NLK: variants seen among roughly 807,000 people sequenced by gnomAD.
The protein encoded by NLK is serine/threonine-protein kinase NLK.
In NLK, 11 loss-of-function variants were observed where a neutral mutation model predicts 59.0. The observed-to-expected ratio is 0.19, with a 90% CI of 0.12 to 0.31. The LOEUF (loss-of-function observed/expected upper bound fraction) is 0.31. NLK is among the 10% of genes least tolerant of loss of function. The probability of loss-of-function intolerance (pLI) is 1.00; values close to 1 mark genes in which losing one functional copy is unlikely to be tolerated. For synonymous variants in NLK, 235 were observed against 235.9 expected, an observed-to-expected ratio of 1.00 and a Z score of 0.03; for missense variants, 410 against 661.1, an observed-to-expected ratio of 0.62 and a Z score of 4.16.
chr17:28,093,723 C>T (rs1255933234), intron 1 of NLK, among the ~76,000 whole-genome samples: 5 of 152,302 alleles, frequency 3.3e-5, no homozygotes, highest in Non-Finnish European at 1.5e-5. Flanking sequence ...GTGGCAAGTT[C>T]GTTAACTTCT....
At chr17:28,154,959 G>A (rs867595008) in intron 3 of NLK, among the ~76,000 whole-genome samples, 14 of 152,116 alleles carry the variant, frequency 9.2e-5, no homozygotes, top group Admixed American at 5.2e-4. Context: ...TTGAACCTGG[G>A]AAATGGAGGT....
At chr17:28,055,066 T>C (rs942880330) in intron 1 of NLK, among the ~76,000 whole-genome samples, 8 of 151,900 alleles carry the variant, frequency 5.3e-5, no homozygotes, top group Admixed American at 4.6e-4. Flanking sequence ...ATTCCAGTAA[T>C]TGTAGGGTTG....
chr17:28,122,554 C>A (rs1024827775), intron 1 of NLK, 49 bp from the exon 2 acceptor site: 6 of 1,603,572 alleles, frequency 3.7e-6, no homozygotes, highest in Non-Finnish European at 5.1e-6. Context: ...AGGTGTGGAA[C>A]TGATTTCTCT....
chr17:28,202,245 T>C, the NLK span, among the ~76,000 whole-genome samples: 283 of 152,270 alleles, frequency 1.9e-3, 1 homozygote, highest in African/African-American at 6.5e-3. Context: ...AAAATTTTTT[T>C]AAAAATTAGC....
intron 1 of NLK, among the ~76,000 whole-genome samples, chr17:28,052,489 A>G (rs1032274417): frequency 6.6e-6 from 1 of 152,182 alleles, no homozygotes; most frequent in African/African-American, 2.4e-5. Flanking sequence ...TTTAGGGCTT[A>G]CAGTGCCCAA....
chr17:28,095,371 C>T (rs1302624354), intron 1 of NLK, among the ~76,000 whole-genome samples: 2 of 152,130 alleles, frequency 1.3e-5, no homozygotes, highest in Admixed American at 6.5e-5. Flanking sequence ...AGATTCGTTC[C>T]ATTCCTAATT....
chr17:28,085,373 A>G (rs1910478592), intron 1 of NLK, among the ~76,000 whole-genome samples: 1 of 152,242 alleles, frequency 6.6e-6, no homozygotes, highest in Non-Finnish European at 1.5e-5. Flanking sequence ...AAGAAAGTAC[A>G]TACAGTCATG....
At chr17:28,053,121 A>G (rs1406764467) in intron 1 of NLK, among the ~76,000 whole-genome samples, 7 of 151,990 alleles carry the variant, frequency 4.6e-5, no homozygotes, top group Non-Finnish European at 1.0e-4. Flanking sequence ...TGAACCAGTC[A>G]CTGTCAATGA....
At chr17:28,075,425 A>G (rs1485136479) in intron 1 of NLK, among the ~76,000 whole-genome samples, 1 of 152,208 alleles carries the variant, frequency 6.6e-6, no homozygotes, top group Non-Finnish European at 1.5e-5. Flanking sequence ...TCCCTGAAGC[A>G]TGTGCAAATT....
At chr17:28,187,188 A>G (rs973514706) in intron 8 of NLK, among the ~76,000 whole-genome samples, 1 of 152,172 alleles carries the variant, frequency 6.6e-6, no homozygotes, top group Non-Finnish European at 1.5e-5. Context: ...CTCTATTTCT[A>G]TTTAGATTTG....
intron 3 of NLK, among the ~76,000 whole-genome samples, chr17:28,141,514 G>T (rs1429907017): frequency 6.6e-6 from 1 of 152,138 alleles, no homozygotes; most frequent in African/African-American, 2.4e-5. Flanking sequence ...GACATCATTT[G>T]TGCAGCTTTA....
chr17:28,056,947 CTTTTTT>C (rs934652705), intron 1 of NLK, among the ~76,000 whole-genome samples: 1 of 86,872 alleles, frequency 1.2e-5, no homozygotes, highest in Non-Finnish European at 2.2e-5. Context: ...CATTACCTAC[CTTTTTT>C]TTTTTTTTTT....
intron 3 of NLK, among the ~76,000 whole-genome samples, chr17:28,149,475 TG>T (rs762236675): frequency 6.6e-6 from 1 of 152,236 alleles, no homozygotes; most frequent in Non-Finnish European, 1.5e-5. Context: ...TTCAGAAATT[TG>T]TAGGTGCTGA....
intron 1 of NLK, among the ~76,000 whole-genome samples, chr17:28,058,488 C>T (rs1433445549): frequency 9.9e-5 from 15 of 150,840 alleles, no homozygotes; most frequent in East Asian, 1.9e-4. Context: ...CTCTACCCAC[C>T]GATCCACTAA....
chr17:28,198,998 T>G (rs1176374592), downstream of NLK, among the ~76,000 whole-genome samples: 1 of 152,196 alleles, frequency 6.6e-6, no homozygotes, highest in Non-Finnish European at 1.5e-5. Context: ...TCAGAAGGTT[T>G]TTGTGGAAAC....
intron 7 of NLK, among the ~76,000 whole-genome samples, chr17:28,179,755 T>A (rs1908825230): frequency 6.6e-6 from 1 of 151,852 alleles, no homozygotes; most frequent in Non-Finnish European, 1.5e-5. Context: ...CTCTCTAAGT[T>A]GCCTAGTCTC....
intron 1 of NLK, among the ~76,000 whole-genome samples, chr17:28,114,125 A>G (rs1597689133): frequency 6.6e-6 from 1 of 152,144 alleles, no homozygotes; most frequent in African/African-American, 2.4e-5. Flanking sequence ...TGTATACTGT[A>G]TATTATATAT....
intron 3 of NLK, among the ~76,000 whole-genome samples, chr17:28,150,752 G>A (rs1907445798): frequency 6.6e-6 from 1 of 152,078 alleles, no homozygotes. Context: ...GCTGCAATCA[G>A]CAGCAATTTG....
chr17:28,148,434 A>G (rs544007797), intron 3 of NLK, among the ~76,000 whole-genome samples: 30 of 152,340 alleles, frequency 2.0e-4, no homozygotes, highest in Admixed American at 6.5e-4. Context: ...TATCGTCAAG[A>G]TTATTTTTAT....
Sources: gnomAD v4.1 joint callset for allele counts (sites outside exome capture counted in the v4.1 genomes callset) on GRCh38, gnomAD v4.1.1 for gene constraint, MANE v1.5 for transcripts, NCBI Gene and HGNC (gene_info 2026-07-23, HGNC 2026-07-21) for gene names.